MS4A18: variants seen among roughly 807,000 people sequenced by gnomAD.
MS4A18 encodes the protein membrane-spanning 4-domains subfamily A member 18.
Under a neutral mutation model 13.1 loss-of-function variants are expected in MS4A18, and 27 were observed. The ratio of observed to expected loss-of-function variants is 2.06; its 90% CI spans 1.52 to 2.84. MS4A18 has a LOEUF of 2.84. Among genes scored for constraint, MS4A18 ranks in the 30% most tolerant of loss-of-function variants. The pLI is 0.00. For missense variants in MS4A18, 307 were observed against 196.4 expected (o/e 1.56, Z -3.37); for synonymous variants, 126 against 76.5 (o/e 1.65, Z -3.38).
chr11:60,738,775 C>G (rs945362412), intron 3 of MS4A18, 127 bp from the exon 5 acceptor site: 1 of 600,790 alleles, frequency 1.7e-6, no homozygotes, highest in African/African-American at 1.9e-5. Context: ...AAATGCTTCT[C>G]CACCCTGCCT....
intron 5 of MS4A18, among the ~76,000 whole-genome samples, chr11:60,741,789 A>G (rs1853418300): frequency 6.6e-6 from 1 of 152,206 alleles, no homozygotes; most frequent in South Asian, 2.1e-4. Flanking sequence ...TGCTCAACCC[A>G]TATTTTGGAT....
intron 2 of MS4A18, among the ~76,000 whole-genome samples, chr11:60,735,661 C>CTTTTTTT (rs1167113182): frequency 9.8e-4 from 88 of 90,104 alleles, no homozygotes; most frequent in African/African-American, 1.1e-3. Context: ...CATTCCCTTG[C>CTTTTTTT]TTTTTTTTTT....
upstream of MS4A18, among the ~76,000 whole-genome samples, chr11:60,727,163 G>A (rs1853174045): frequency 6.6e-6 from 1 of 152,060 alleles, no homozygotes; most frequent in Non-Finnish European, 1.5e-5. Flanking sequence ...GTCTATTGTT[G>A]AGGGGCATTT....
intron 2 of MS4A18, among the ~76,000 whole-genome samples, chr11:60,735,687 A>G (rs1853328884): frequency 1.2e-5 from 1 of 86,306 alleles, no homozygotes; most frequent in Non-Finnish European, 2.1e-5. Flanking sequence ...TTTTTTTGAG[A>G]CGGAGTCACT....
upstream of MS4A18, among the ~76,000 whole-genome samples, chr11:60,727,725 A>G (rs1853186907): frequency 6.6e-6 from 1 of 152,210 alleles, no homozygotes; most frequent in Non-Finnish European, 1.5e-5. Context: ...TAAGCCCACC[A>G]GCCACAACAA....
intron 5 of MS4A18, among the ~76,000 whole-genome samples, chr11:60,743,368 A>G (rs1290693574): frequency 6.6e-6 from 1 of 152,226 alleles, no homozygotes; most frequent in Admixed American, 6.5e-5. Flanking sequence ...GGCAATCAAC[A>G]GGGACAACTG....
chr11:60,734,444 C>A (rs939683542), intron 2 of MS4A18, among the ~76,000 whole-genome samples: 3 of 152,128 alleles, frequency 2.0e-5, no homozygotes, highest in African/African-American at 7.2e-5. Context: ...ACATGGAAAT[C>A]AACACGTGCT....
chr11:60,733,628 C>T (rs773500382), exon 2 of MS4A18: 8 of 703,484 alleles, frequency 1.1e-5, no homozygotes, highest in East Asian at 5.4e-5. Context: ...TCAGGGTACC[C>T]GCTCTGGGGA....
chr11:60,727,749 T>A (rs569513550), upstream of MS4A18, among the ~76,000 whole-genome samples: 1 of 152,196 alleles, frequency 6.6e-6, no homozygotes, highest in Admixed American at 6.5e-5. Context: ...ACAAGTAAAG[T>A]ACACTAGTAA....
At chr11:60,732,544 A>G (rs901816860) in intron 1 of MS4A18, among the ~76,000 whole-genome samples, 2 of 151,872 alleles carry the variant, frequency 1.3e-5, no homozygotes, top group Non-Finnish European at 2.9e-5. Context: ...CCTGGCTAAC[A>G]TGGTAAACCC....
rs79804006 is a variant in MS4A18, at chr11:60,744,169, T to C, written c.*175T>C. 2.8e-3 allele frequency: 1,651 copies of C among 582,358 alleles called. 28 individuals are homozygous for C. The African/African-American group carries it at 0.029, about 10-fold the overall frequency. The allele number at this position is 582,358 out of a possible 1,614,324, so 36.1% of individuals were successfully genotyped here. A position where few individuals can be genotyped will look rare whatever the true frequency, so the allele number is the denominator to read the frequency against. ...TTCACTCCTAAGCTTCATTTTTGTT[T>C]GTTATTGATGTCTTTTTTTTCATTC... is the stretch of plus-strand genomic sequence containing the variant. On this transcript the variant is annotated 3_prime_UTR_variant, in exon 6 of 6. Coordinates refer to ENST00000529108, the Ensembl canonical transcript of MS4A18.
chr11:60,743,660 T>C (rs1232047019), exon 6 of MS4A18: 2 of 702,444 alleles, frequency 2.8e-6, no homozygotes, highest in Admixed American at 2.0e-5. Context: ...AATGTGGCAG[T>C]GATTCCAACC....
intron 1 of MS4A18, among the ~76,000 whole-genome samples, chr11:60,732,094 T>C (rs1043810432): frequency 6.6e-5 from 10 of 152,028 alleles, no homozygotes; most frequent in African/African-American, 2.2e-4. Flanking sequence ...AGTCATTTGA[T>C]CCCTGAGGAA....
At chr11:60,728,993 G>C (rs939851541), upstream of MS4A18, among the ~76,000 whole-genome samples, 1 of 152,140 alleles carries the variant, frequency 6.6e-6, no homozygotes, top group Non-Finnish European at 1.5e-5. Flanking sequence ...GGTAGCCTGT[G>C]CCCACTCAAC....
In MS4A18 at chr11:60,737,052, C is replaced by A; in HGVS notation, c.648+18C>A. ...CTTGTGTGGTAAGTCACAGTGCTGT[C>A]TTTGATGATCCTTGAATGTTAGAAT... On this transcript the variant is annotated intron_variant, in intron 3 of 5. Transcript: ENST00000529108. The A allele has an allele frequency of 1.4e-6, 1 of 700,820 alleles. No individual in the cohort carries two copies. Among genetic ancestry groups the A allele is most frequent in the Non-Finnish European group, 2.6e-6 (1 of 384,586 alleles). 43.4% of individuals were successfully genotyped at this position (700,820 alleles called of 1,614,324 possible).
intron 2 of MS4A18, among the ~76,000 whole-genome samples, chr11:60,735,595 C>T (rs1313494172): frequency 2.0e-5 from 3 of 150,186 alleles, no homozygotes; most frequent in Non-Finnish European, 4.4e-5. Flanking sequence ...CCTCGGCCTC[C>T]CAAAGTGCTG....
At chr11:60,725,721 A>G (rs565147494), upstream of MS4A18, among the ~76,000 whole-genome samples, 1 of 152,342 alleles carries the variant, frequency 6.6e-6, no homozygotes, top group South Asian at 2.1e-4. Flanking sequence ...CAGGCAGACT[A>G]TCAATTCTTG....
chr11:60,733,220 G>A (rs1853283325), intron 1 of MS4A18, among the ~76,000 whole-genome samples: 1 of 152,228 alleles, frequency 6.6e-6, no homozygotes, highest in Non-Finnish European at 1.5e-5. Flanking sequence ...ACCCGGGCTC[G>A]GCCCGTGTCT....
Position 60,740,072 on chromosome 11 carries a change from A to G in MS4A18, c.745-958A>G, listed in dbSNP as rs1222932332. On this transcript the variant is annotated intron_variant, in intron 4 of 5. Coordinates refer to ENST00000529108, the Ensembl canonical transcript of MS4A18. ...GCAAGATGCTGGCCTCTGGAGTCCA[A>G]TAGGATGCAACAGGATGTCCCAACA... Among the ~76,000 whole-genome samples the G allele has an allele frequency of 2.6e-5, 4 of 152,216 alleles. No individual in the cohort carries two copies. In the East Asian group the frequency reaches 5.8e-4, roughly 22 times the overall value.
Sources: gnomAD v4.1 joint callset for allele counts (sites outside exome capture counted in the v4.1 genomes callset) on GRCh38, gnomAD v4.1.1 for gene constraint, MANE v1.5 for transcripts, NCBI Gene and HGNC (gene_info 2026-07-23, HGNC 2026-07-21) for gene names.